CCSER1: variants seen among roughly 807,000 people sequenced by gnomAD.
The protein encoded by CCSER1 is coiled-coil serine rich protein 1.
A neutral mutation model predicts 82.0 loss-of-function variants in CCSER1; 41 were observed. That is an observed-to-expected ratio of 0.50 (90% confidence interval 0.39 to 0.65). The LOEUF (loss-of-function observed/expected upper bound fraction) is 0.65. Among genes scored for constraint, CCSER1 ranks in the 30% least tolerant of loss-of-function variants. CCSER1 has a pLI of 0.00. For synonymous variants in CCSER1, 414 were observed against 383.9 expected (o/e 1.08, Z -0.92); for missense variants, 1,119 against 1,064.2 (o/e 1.05, Z -0.72).
At chr4:90,373,675 A>C (rs937228941) in intron 3 of CCSER1, among the ~76,000 whole-genome samples, 1 of 152,174 alleles carries the variant, frequency 6.6e-6, no homozygotes, top group Non-Finnish European at 1.5e-5. Context: ...GGAACATTCT[A>C]GGTCTTTCAT....
rs189214247 is a variant in CCSER1, at chr4:90,405,323, C to A, written c.1603+5194C>A. Among the ~76,000 whole-genome samples the A allele has an allele frequency of 9.5e-4, 145 of 152,050 alleles. 1 individual carries two copies. The highest frequency in any genetic ancestry group is 3.2e-3 in the African/African-American group (134 of 41,484). On this transcript the variant is annotated intron_variant, in intron 4 of 10. Transcript: ENST00000509176. ...TTCATTAAAGACAAAGAAAAAATAACTAAAAAATAAAAATAAATCCTCCAA... is the reference window on the plus strand; with the variant it reads ...TTCATTAAAGACAAAGAAAAAATAAATAAAAAATAAAAATAAATCCTCCAA...
chr4:91,210,417 A>T (rs1736715647), intron 10 of CCSER1, among the ~76,000 whole-genome samples: 1 of 151,584 alleles, frequency 6.6e-6, no homozygotes, highest in Non-Finnish European at 1.5e-5. Flanking sequence ...AATACTTATT[A>T]ATTGGACAAT....
intron 8 of CCSER1, among the ~76,000 whole-genome samples, chr4:90,873,659 A>G (rs545789284): frequency 5.3e-5 from 8 of 152,142 alleles, no homozygotes; most frequent in Non-Finnish European, 8.8e-5. Flanking sequence ...ATATGCACAG[A>G]TCATCTTAAG....
intron 7 of CCSER1, among the ~76,000 whole-genome samples, chr4:90,779,161 G>A (rs1050580009): frequency 1.3e-5 from 2 of 152,110 alleles, no homozygotes; most frequent in Non-Finnish European, 2.9e-5. Context: ...CAAATGATAT[G>A]ACTTATTTTC....
At chr4:91,134,321 C>T (rs988274300) in intron 10 of CCSER1, among the ~76,000 whole-genome samples, 1 of 151,502 alleles carries the variant, frequency 6.6e-6, no homozygotes, top group Non-Finnish European at 1.5e-5. Flanking sequence ...CACTTGAGCC[C>T]AGGATTCTAG....
intron 10 of CCSER1, among the ~76,000 whole-genome samples, chr4:91,548,779 G>A (rs893569058): frequency 6.6e-6 from 1 of 151,538 alleles, no homozygotes; most frequent in Non-Finnish European, 1.5e-5. Flanking sequence ...CATCCCCCTG[G>A]CTTCTTTTGT....
rs1211271387 is a variant in CCSER1, at chr4:90,355,450, T to C, written c.1509+42403T>C. Among the ~76,000 whole-genome samples, 3 of 152,070 alleles carry C rather than the reference T, an allele frequency of 2.0e-5. No individual in the cohort carries two copies. The East Asian group carries it at 5.8e-4, about 29-fold the overall frequency. ...ATAATCTTATTTTATTTACTTTTTG[T>C]AATCCTATAAAGGCTGTTAAAATCT... On this transcript the variant is annotated intron_variant, in intron 3 of 10. Coordinates refer to ENST00000509176, the MANE Select transcript of CCSER1 (RefSeq NM_001145065.2).
At chr4:90,777,228 GCGC>G in intron 7 of CCSER1, among the ~76,000 whole-genome samples, 1 of 151,468 alleles carries the variant, frequency 6.6e-6, no homozygotes, top group South Asian at 2.1e-4. Flanking sequence ...GTGGTGGTGG[GCGC>G]CTGTAATCCC....
In CCSER1 at chr4:91,328,664, A is replaced by T. The variant is rs553626156; in HGVS notation, c.2217+242670A>T. Among the ~76,000 whole-genome samples, 33 of 152,326 alleles carry T rather than the reference A, an allele frequency of 2.2e-4. No individual in the cohort carries two copies. In the South Asian group the frequency reaches 6.8e-3, roughly 32 times the overall value. The stretch of plus-strand genomic sequence containing the variant: ...TTAACAGTGAAAGTTTAGTTAAATT[A>T]TGTGATAAAGGGACCCTATAAAATA... On this transcript the variant is annotated intron_variant, in intron 10 of 10. Transcript: ENST00000509176.
chr4:91,179,421 C>G (rs889243378), intron 10 of CCSER1, among the ~76,000 whole-genome samples: 2 of 152,174 alleles, frequency 1.3e-5, no homozygotes, highest in Non-Finnish European at 2.9e-5. Context: ...CCATTCTCCC[C>G]GCCACTTTCA....
At chr4:90,691,419 G>A (rs551749847) in intron 6 of CCSER1, among the ~76,000 whole-genome samples, 1 of 151,806 alleles carries the variant, frequency 6.6e-6, no homozygotes, top group African/African-American at 2.4e-5. Flanking sequence ...CCATACATAT[G>A]TGTATGTATA....
chr4:90,356,983 T>C (rs1171278626), intron 3 of CCSER1, among the ~76,000 whole-genome samples: 1 of 151,894 alleles, frequency 6.6e-6, no homozygotes, highest in Non-Finnish European at 1.5e-5. Flanking sequence ...ATCAATCAAA[T>C]GTATTTGGAA....
chr4:90,215,851 T>C (rs1236269793), intron 1 of CCSER1, among the ~76,000 whole-genome samples: 1 of 152,054 alleles, frequency 6.6e-6, no homozygotes, highest in African/African-American at 2.4e-5. Context: ...CTTTACTACC[T>C]GAGAACATGA....
chr4:91,358,194 T>C lies in CCSER1; in HGVS notation c.2218-240378T>C, dbSNP rs372449203. 2.6e-5 allele frequency among the ~76,000 whole-genome samples: 4 copies of C among 152,076 alleles called. No homozygotes were observed. In the South Asian group the frequency reaches 6.2e-4, roughly 24 times the overall value. On this transcript the variant is annotated intron_variant, in intron 10 of 10. Coordinates refer to ENST00000509176, the MANE Select transcript of CCSER1 (RefSeq NM_001145065.2). ...CTTATACTGCTGTTCTTTTAACTAC[T>C]GTGGGGAGGAAAGGGGGTCTAAAAC...
intron 6 of CCSER1, among the ~76,000 whole-genome samples, chr4:90,633,766 C>T (rs1250376557): frequency 1.3e-5 from 2 of 151,836 alleles, no homozygotes; most frequent in East Asian, 1.9e-4. Flanking sequence ...GATGGTCTGT[C>T]GACCTCCTAG....
chr4:91,417,509 C>T (rs1382495833), intron 10 of CCSER1, among the ~76,000 whole-genome samples: 1 of 151,956 alleles, frequency 6.6e-6, no homozygotes, highest in East Asian at 1.9e-4. Flanking sequence ...TACTATGCAG[C>T]TATAAAAAGG....
intron 1 of CCSER1, among the ~76,000 whole-genome samples, chr4:90,281,766 A>G (rs578213679): frequency 3.9e-5 from 6 of 152,064 alleles, no homozygotes; most frequent in Non-Finnish European, 8.8e-5. Context: ...AAAGATATCT[A>G]TAGATTTTGT....
In CCSER1 at chr4:90,488,375, A is replaced by T. The variant is rs933337112; in HGVS notation, c.1724+20021A>T. ...GCTAATTTTTGTATTTTTAGTAGAG[A>T]TGGGGTTTCACCATGTTGGCCAGGC... On this transcript the variant is annotated intron_variant, in intron 5 of 10. Coordinates refer to ENST00000509176, the MANE Select transcript of CCSER1 (RefSeq NM_001145065.2). Among the ~76,000 whole-genome samples, 10 of 152,072 alleles carry T rather than the reference A, an allele frequency of 6.6e-5. No homozygotes were observed. In the South Asian group the frequency reaches 2.1e-3, roughly 32 times the overall value.
chr4:90,891,988 A>G (rs1723027254), intron 8 of CCSER1, among the ~76,000 whole-genome samples: 1 of 152,200 alleles, frequency 6.6e-6, no homozygotes, highest in Non-Finnish European at 1.5e-5. Flanking sequence ...GTAGTGGCAA[A>G]CTGAAAAAGA....
Sources: allele counts gnomAD v4.1 joint callset (sites outside exome capture counted in the v4.1 genomes callset), GRCh38; gene constraint gnomAD v4.1.1; transcripts MANE v1.5; gene names NCBI Gene and HGNC (gene_info 2026-07-23, HGNC 2026-07-21).